Variants in LSAMP observed in about 807,000 individuals in gnomAD.
The protein encoded by LSAMP is limbic system-associated membrane protein.
LSAMP carries 7 observed loss-of-function variants against 38.6 expected under a neutral mutation model. The observed-to-expected ratio is 0.18, with a 90% CI of 0.10 to 0.34. The LOEUF (loss-of-function observed/expected upper bound fraction) is 0.34. Among genes scored for constraint, LSAMP ranks in the 10% least tolerant of loss-of-function variants. LSAMP has a pLI of 1.00. For synonymous variants in LSAMP, 154 were observed against 166.8 expected, an observed-to-expected ratio of 0.92 and a Z score of 0.59; for missense variants, 313 against 420.0, an observed-to-expected ratio of 0.75 and a Z score of 2.23.
intron 1 of LSAMP, among the ~76,000 whole-genome samples, chr3:116,444,553 C>T (rs533774275): frequency 1.3e-5 from 2 of 152,086 alleles, no homozygotes; most frequent in East Asian, 3.9e-4. Flanking sequence ...GAGAATACTG[C>T]CCAGAAGTCA....
At chr3:116,301,721 C>A (rs552343799) in intron 1 of LSAMP, among the ~76,000 whole-genome samples, 21 of 152,076 alleles carry the variant, frequency 1.4e-4, no homozygotes, top group Non-Finnish European at 2.9e-4. Flanking sequence ...GAAATTAAGG[C>A]TTCAGAAGGT....
intron 1 of LSAMP, among the ~76,000 whole-genome samples, chr3:116,367,442 A>G (rs112044358): frequency 4.0e-5 from 6 of 150,170 alleles, no homozygotes; most frequent in African/African-American, 1.2e-4. Context: ...GTGTTTCTCT[A>G]CCTCTAAACA....
At chr3:116,198,772 G>A (rs375957966) in intron 1 of LSAMP, among the ~76,000 whole-genome samples, 14 of 103,198 alleles carry the variant, frequency 1.4e-4, no homozygotes, top group East Asian at 2.9e-4. Flanking sequence ...CTCCGTCTCA[G>A]AAAAAAAAAG....
chr3:116,046,409 A>G (rs1941289577), intron 2 of LSAMP, among the ~76,000 whole-genome samples: 1 of 152,190 alleles, frequency 6.6e-6, no homozygotes, highest in Admixed American at 6.5e-5. Context: ...AACAGGAAAA[A>G]AAAAATACAG....
rs145483005 is a variant in LSAMP at position 116,433,891 on chromosome 3, C to A, written c.155+10986G>T. ...TGATTCCTTGTTCTGTCAGAAACTA[C>A]TATTTTACCTAAGAAAGGGGCATGC... On this transcript the variant is annotated intron_variant, in intron 1 of 6. Coordinates refer to ENST00000490035, the MANE Select transcript of LSAMP (RefSeq NM_002338.5). 2.2e-3 allele frequency among the ~76,000 whole-genome samples: 334 copies of A among 152,220 alleles called. 2 individuals carry two copies. Among genetic ancestry groups the A allele is most frequent in the Non-Finnish European group, 3.7e-3 (254 of 67,998 alleles).
intron 1 of LSAMP, among the ~76,000 whole-genome samples, chr3:116,394,998 ATC>A (rs2048750099): frequency 1.3e-5 from 2 of 152,158 alleles, no homozygotes; most frequent in African/African-American, 4.8e-5. Context: ...AAGGCAGGCC[ATC>A]TCTGTGTTTT....
At chr3:116,421,063 C>T (rs1221434017) in intron 1 of LSAMP, among the ~76,000 whole-genome samples, 2 of 152,052 alleles carry the variant, frequency 1.3e-5, no homozygotes, top group African/African-American at 4.8e-5. Context: ...AATGTAAGAG[C>T]TAAAACTATA....
intron 3 of LSAMP, among the ~76,000 whole-genome samples, chr3:115,886,820 T>C (rs957358836): frequency 7.3e-5 from 11 of 151,176 alleles, no homozygotes; most frequent in Admixed American, 1.3e-4. Context: ...TGTGTTATCT[T>C]TTTTTCTGTA....
intron 1 of LSAMP, among the ~76,000 whole-genome samples, chr3:116,113,404 A>AT: frequency 6.0e-5 from 4 of 66,978 alleles, no homozygotes; most frequent in Admixed American, 1.9e-4. Flanking sequence ...TTTGCCCTAT[A>AT]TATATATATA....
At chr3:116,045,427 G>A (rs934693963) in intron 2 of LSAMP, among the ~76,000 whole-genome samples, 19 of 151,636 alleles carry the variant, frequency 1.3e-4, no homozygotes, top group Middle Eastern at 3.2e-3. Context: ...AGTGGTAGTG[G>A]TTAGAGGTTT....
At chr3:116,170,472 GTTA>G (rs1419745745) in intron 1 of LSAMP, among the ~76,000 whole-genome samples, 3 of 152,072 alleles carry the variant, frequency 2.0e-5, no homozygotes, top group African/African-American at 4.8e-5. Context: ...GGATAAAAAA[GTTA>G]TTATTATGAG....
chr3:116,237,686 G>A (rs2046483620), intron 1 of LSAMP, among the ~76,000 whole-genome samples: 1 of 151,754 alleles, frequency 6.6e-6, no homozygotes. Flanking sequence ...TGTATATGAA[G>A]AAGTTGAAGT....
chr3:116,216,336 T>C (rs2046219077), intron 1 of LSAMP, among the ~76,000 whole-genome samples: 1 of 152,132 alleles, frequency 6.6e-6, no homozygotes. Flanking sequence ...ATTCTTTAGG[T>C]GCCAGAATTG....
intron 1 of LSAMP, among the ~76,000 whole-genome samples, chr3:116,371,137 A>G (rs1429347770): frequency 1.3e-5 from 2 of 152,206 alleles, no homozygotes; most frequent in East Asian, 3.8e-4. Context: ...TTTAAAGAAC[A>G]CTAATCCTTC....
At position 116,060,437 on chromosome 3, in the gene LSAMP, A is replaced by AACAC. The variant is rs61085045; in HGVS notation, c.388+25883_388+25886dup. On this transcript the variant is annotated intron_variant, in intron 2 of 6. Transcript: ENST00000490035. ...TCTAAAAAGGAGGGATTACTTTTAA[A>AACAC]ACACACACACACACACACATAGACA... Among the ~76,000 whole-genome samples, 376 of 150,828 alleles carry AACAC rather than the reference A, an allele frequency of 2.5e-3. 2 individuals are homozygous for AACAC. The highest frequency in any genetic ancestry group is 8.1e-3 in the African/African-American group (336 of 41,268).
intron 2 of LSAMP, among the ~76,000 whole-genome samples, chr3:116,036,515 C>G (rs1393824092): frequency 6.6e-6 from 1 of 152,162 alleles, no homozygotes; most frequent in East Asian, 1.9e-4. Context: ...TTTGTCTTCA[C>G]TGCCTGTCAG....
At chr3:116,009,148 C>T (rs562507829) in intron 3 of LSAMP, among the ~76,000 whole-genome samples, 5 of 152,248 alleles carry the variant, frequency 3.3e-5, no homozygotes, top group Admixed American at 6.5e-5. Context: ...GTGAGTACTA[C>T]ACACATTGTG....
At chr3:116,069,445 A>AT (rs1559730369) in intron 2 of LSAMP, among the ~76,000 whole-genome samples, 2 of 152,220 alleles carry the variant, frequency 1.3e-5, no homozygotes, top group Non-Finnish European at 2.9e-5. Flanking sequence ...CAGCCGAAAG[A>AT]TTTTTAAGAC....
chr3:116,170,955 GTTTA>G (rs1710183363), intron 1 of LSAMP, among the ~76,000 whole-genome samples: 1 of 152,054 alleles, frequency 6.6e-6, no homozygotes, highest in Admixed American at 6.6e-5. Context: ...ATTTTCAACA[GTTTA>G]TTTTTCTCAT....
Sources: gnomAD v4.1 joint callset for allele counts (sites outside exome capture counted in the v4.1 genomes callset) on GRCh38, gnomAD v4.1.1 for gene constraint, MANE v1.5 for transcripts, NCBI Gene and HGNC (gene_info 2026-07-23, HGNC 2026-07-21) for gene names.